GSE1: variants seen among roughly 807,000 people sequenced by gnomAD.
The protein encoded by GSE1 is genetic suppressor element 1.
GSE1 carries 32 observed loss-of-function variants against 112.6 expected under a neutral mutation model. The ratio of observed to expected loss-of-function variants is 0.28; its 90% CI spans 0.21 to 0.38. GSE1 has a LOEUF of 0.38. GSE1 is among the 10% of genes least tolerant of loss of function. The probability of loss-of-function intolerance (pLI) is 1.00; values close to 1 mark genes in which losing one functional copy is unlikely to be tolerated. For missense variants in GSE1, 2,348 were observed against 1,699.2 expected (o/e 1.38, Z -6.71); for synonymous variants, 1,115 against 735.6 (o/e 1.52, Z -8.35).
chr16:85,295,890 C>T (rs529059974), intron 1 of GSE1, among the ~76,000 whole-genome samples: 1 of 151,990 alleles, frequency 6.6e-6, no homozygotes, highest in Admixed American at 6.6e-5. Context: ...CAGGTGTGAG[C>T]CACCGCACCC....
intron 2 of GSE1, among the ~76,000 whole-genome samples, chr16:85,514,371 C>G (rs1460120753): frequency 6.6e-6 from 1 of 150,920 alleles, no homozygotes. Context: ...GACACCACCC[C>G]CCCATCCTTT....
intron 2 of GSE1, among the ~76,000 whole-genome samples, chr16:85,518,488 A>G (rs2052029259): frequency 6.6e-6 from 1 of 152,092 alleles, no homozygotes; most frequent in Non-Finnish European, 1.5e-5. Context: ...AAGGTCTCAC[A>G]GCTGGGAGCC....
At chr16:85,262,131 C>T (rs1907760860) in intron 1 of GSE1, among the ~76,000 whole-genome samples, 1 of 152,182 alleles carries the variant, frequency 6.6e-6, no homozygotes, top group Non-Finnish European at 1.5e-5. Flanking sequence ...TGGAATGCCC[C>T]AAACAAGAAG....
At chr16:85,599,769 G>A (rs548696943) in intron 1 of GSE1, among the ~76,000 whole-genome samples, 2 of 152,324 alleles carry the variant, frequency 1.3e-5, no homozygotes, top group South Asian at 2.1e-4. Flanking sequence ...GGACACGGTG[G>A]TGTGCGTGTC....
At chr16:85,339,896 CTT>C (rs1385008392) in intron 1 of GSE1, among the ~76,000 whole-genome samples, 1 of 152,186 alleles carries the variant, frequency 6.6e-6, no homozygotes, top group African/African-American at 2.4e-5. Context: ...CTTTCCCTGT[CTT>C]ACTCACTGCC....
At chr16:85,464,582 A>G (rs953429251) in intron 2 of GSE1, among the ~76,000 whole-genome samples, 2 of 151,930 alleles carry the variant, frequency 1.3e-5, no homozygotes, top group African/African-American at 2.4e-5. Flanking sequence ...GTTTCCCCCG[A>G]GGGGTGATGG....
At position 85,518,027 on chromosome 16, in the gene GSE1, G is replaced by A. The variant is rs150278880; in HGVS notation, c.2465-115887G>A. Among the ~76,000 whole-genome samples, 935 of 152,274 alleles carry A rather than the reference G, an allele frequency of 6.1e-3. 16 individuals carry two copies. Among genetic ancestry groups the A allele is most frequent in the African/African-American group, 0.021 (870 of 41,578 alleles). ...CGCTTCCTGCTGCCGGCCCCAAGCC[G>A]GGCACCAGGGACACGGCTCCTGGCC... On this transcript the variant is annotated intron_variant, in intron 2 of 2. Transcript: ENST00000637419.
At position 85,487,225 on chromosome 16, in the gene GSE1, C is replaced by G. The variant is rs557866559; in HGVS notation, c.2464+129582C>G. On this transcript the variant is annotated intron_variant, in intron 2 of 2. Coordinates refer to the GSE1 transcript ENST00000637419. ...CTCACTGGGTGTCACCTCCTCACCC[C>G]CCCAGGAAAAATTCTGCATTTACAA... is the stretch of plus-strand genomic sequence containing the variant. Among the ~76,000 whole-genome samples the G allele has an allele frequency of 2.0e-5, 3 of 152,300 alleles. No individual in the cohort carries two copies. The East Asian group carries it at 5.8e-4, about 29-fold the overall frequency.
At chr16:85,614,008 C>T (rs1461435927) in intron 1 of GSE1, among the ~76,000 whole-genome samples, 4 of 151,778 alleles carry the variant, frequency 2.6e-5, no homozygotes, top group African/African-American at 9.7e-5. Flanking sequence ...CCCTGCTTCC[C>T]GAGGAAGGGC....
At chr16:85,477,460 T>C (rs1013168490) in intron 2 of GSE1, among the ~76,000 whole-genome samples, 4 of 150,176 alleles carry the variant, frequency 2.7e-5, no homozygotes, top group African/African-American at 9.9e-5. Context: ...CTGGGTCTGC[T>C]CGGCACCCCT....
chr16:85,672,227 A>C (rs1437435057), intron 15 of GSE1, 178 bp from the exon 16 acceptor site: 1 of 601,802 alleles, frequency 1.7e-6, no homozygotes. Context: ...ACTCCTGACG[A>C]CAGGTGATCT....
chr16:85,313,980 GTGTGTGTA>G (rs1371705961), intron 1 of GSE1, among the ~76,000 whole-genome samples: 12 of 143,826 alleles, frequency 8.3e-5, no homozygotes, highest in African/African-American at 3.5e-4. Flanking sequence ...ACACAGCCTA[GTGTGTGTA>G]TGTGTGTGTG....
At chr16:85,662,339 G>GC (rs1195261792) in intron 9 of GSE1, 1 of 153,884 alleles carries the variant, frequency 6.5e-6, no homozygotes, top group Non-Finnish European at 1.4e-5. Flanking sequence ...GCAGAGGGGA[G>GC]CAGGGGCTCC....
At position 85,668,436 on chromosome 16, in the gene GSE1, C is replaced by T. The variant is rs201809685; in HGVS notation, c.3415+12C>T. ...GGAACACATAGAAGGTAAGGGGGTG[C>T]TGGGGAAGAGGGGGGAGGGGGTCAG... On this transcript the variant is annotated intron_variant, in intron 14 of 15. Transcript: ENST00000253458. The T allele has an allele frequency of 1.3e-6, 2 of 1,485,812 alleles. No homozygotes were observed. Among genetic ancestry groups the T allele is most frequent in the African/African-American group, 1.4e-5 (1 of 72,312 alleles). 92.0% of individuals were successfully genotyped at this position (1,485,812 alleles called of 1,614,324 possible). A position where few individuals can be genotyped will look rare whatever the true frequency, so the allele number is the denominator to read the frequency against.
intron 1 of GSE1, among the ~76,000 whole-genome samples, chr16:85,235,444 G>C (rs1904512230): frequency 6.7e-6 from 1 of 149,862 alleles, no homozygotes; most frequent in East Asian, 2.0e-4. Flanking sequence ...GTGTGTGTGT[G>C]TGTGTGTGTG....
At chr16:85,429,036 T>C (rs2049057096) in intron 2 of GSE1, among the ~76,000 whole-genome samples, 2 of 152,278 alleles carry the variant, frequency 1.3e-5, no homozygotes, top group African/African-American at 4.8e-5. Context: ...ATACAACACG[T>C]GCACATACAT....
At chr16:85,178,003 C>G (rs2074502901) in intron 1 of GSE1, among the ~76,000 whole-genome samples, 1 of 152,120 alleles carries the variant, frequency 6.6e-6, no homozygotes, top group Non-Finnish European at 1.5e-5. Context: ...GCCAGGCACT[C>G]CGGGAGCATG....
At chr16:85,483,407 G>T (rs1188797911) in intron 2 of GSE1, among the ~76,000 whole-genome samples, 2 of 152,266 alleles carry the variant, frequency 1.3e-5, no homozygotes, top group Admixed American at 1.3e-4. Flanking sequence ...CCCACTCTGT[G>T]CCTCAGTTTC....
intron 1 of GSE1, among the ~76,000 whole-genome samples, chr16:85,569,779 G>A (rs544259608): frequency 6.6e-6 from 1 of 152,236 alleles, no homozygotes; most frequent in African/African-American, 2.4e-5. Context: ...GCGTGCGTTG[G>A]GGAAAGCCTC....
Sources: allele counts gnomAD v4.1 joint callset (sites outside exome capture counted in the v4.1 genomes callset), GRCh38; gene constraint gnomAD v4.1.1; transcripts MANE v1.5; gene names NCBI Gene and HGNC (gene_info 2026-07-23, HGNC 2026-07-21).